PTK2: variants seen among roughly 807,000 people sequenced by gnomAD.
The protein encoded by PTK2 is focal adhesion kinase 1.
Under a neutral mutation model 150.1 loss-of-function variants are expected in PTK2, and 45 were observed. The ratio of observed to expected loss-of-function variants is 0.30; its 90% CI spans 0.24 to 0.38. The LOEUF (loss-of-function observed/expected upper bound fraction) is 0.38, where lower values mean the gene tolerates loss of function less well. Among genes scored for constraint, PTK2 ranks in the 10% least tolerant of loss-of-function variants. PTK2 has a pLI of 1.00. For synonymous variants in PTK2, 432 were observed against 449.2 expected, an observed-to-expected ratio of 0.96 and a Z score of 0.48; for missense variants, 919 against 1,307.3, an observed-to-expected ratio of 0.70 and a Z score of 4.58.
intron 12 of PTK2, among the ~76,000 whole-genome samples, chr8:140,797,372 T>C (rs907543337): frequency 3.3e-5 from 5 of 152,214 alleles, no homozygotes; most frequent in African/African-American, 7.2e-5. Context: ...CCTGTCATCA[T>C]AGCTTTAAAA....
At chr8:140,934,316 G>A (rs2100172893) in intron 1 of PTK2, among the ~76,000 whole-genome samples, 1 of 152,168 alleles carries the variant, frequency 6.6e-6, no homozygotes, top group Non-Finnish European at 1.5e-5. Flanking sequence ...GCTGAGGCAG[G>A]AGGACAGCTT....
Position 140,675,505 on chromosome 8 carries a change from GGAAAA to G in PTK2, c.2563-11_2563-7del. 1.2e-6 allele frequency: 2 copies of G among 1,607,346 alleles called. No individual in the cohort carries two copies. The highest frequency in any genetic ancestry group is 1.7e-6 in the Non-Finnish European group (2 of 1,174,076). ...TATATATGTTGGTTTCCAATCTGTGGGAAAAGAAAAGTTCAGTCAATGCACTGGTA... is the reference window on the plus strand; with the variant it reads ...TATATATGTTGGTTTCCAATCTGTGGGAAAAGTTCAGTCAATGCACTGGTA... On this transcript the variant is annotated splice_polypyrimidine_tract_variant and splice_region_variant and intron_variant, in intron 27 of 31. Transcript: ENST00000522684.
intron 1 of PTK2, among the ~76,000 whole-genome samples, chr8:140,978,703 T>G (rs1381221615): frequency 1.3e-5 from 2 of 151,668 alleles, no homozygotes; most frequent in African/African-American, 4.9e-5. Context: ...GTCAGTGTGG[T>G]GATTCCTCAG....
At chr8:140,867,068 G>A (rs2154606179) in intron 4 of PTK2, among the ~76,000 whole-genome samples, 1 of 152,290 alleles carries the variant, frequency 6.6e-6, no homozygotes, top group South Asian at 2.1e-4. Flanking sequence ...GCTGGGGCAG[G>A]CTGCATGAGG....
chr8:140,802,292 T>C (rs1266067739), intron 11 of PTK2, among the ~76,000 whole-genome samples: 5 of 152,112 alleles, frequency 3.3e-5, no homozygotes. Context: ...GTTTGTGTCT[T>C]ACTTTTTAAC....
intron 10 of PTK2, among the ~76,000 whole-genome samples, chr8:140,816,330 C>T (rs960707439): frequency 6.6e-6 from 1 of 152,078 alleles, no homozygotes; most frequent in African/African-American, 2.4e-5. Context: ...TAAAAGAAGT[C>T]CTGAAACACA....
intron 1 of PTK2, among the ~76,000 whole-genome samples, chr8:140,929,856 A>C (rs1411271658): frequency 1.3e-5 from 2 of 152,166 alleles, no homozygotes; most frequent in Non-Finnish European, 2.9e-5. Flanking sequence ...AAACATTACA[A>C]GCATAAAGGG....
At chr8:140,956,980 G>T (rs774370380) in intron 1 of PTK2, among the ~76,000 whole-genome samples, 1 of 152,060 alleles carries the variant, frequency 6.6e-6, no homozygotes, top group Non-Finnish European at 1.5e-5. Flanking sequence ...AGAATCACTT[G>T]AACCCAGGAG....
intron 14 of PTK2, among the ~76,000 whole-genome samples, chr8:140,767,587 G>C (rs190384798): frequency 6.6e-6 from 1 of 152,212 alleles, no homozygotes; most frequent in Non-Finnish European, 1.5e-5. Flanking sequence ...CTGGGCTCAA[G>C]TGATCCTCCC....
intron 30 of PTK2, among the ~76,000 whole-genome samples, 184 bp downstream of exon 34, chr8:140,668,085 G>A (rs1324355875): frequency 1.3e-5 from 2 of 152,176 alleles, no homozygotes; most frequent in Non-Finnish European, 2.9e-5. Flanking sequence ...AGATAGGAAC[G>A]GCAATTCAGA....
At chr8:140,877,045 T>G (rs1254820312) in intron 4 of PTK2, among the ~76,000 whole-genome samples, 6 of 143,980 alleles carry the variant, frequency 4.2e-5, no homozygotes, top group Non-Finnish European at 9.1e-5. Flanking sequence ...TTTTTTTTTT[T>G]TTTTTGAGAC....
At chr8:140,795,875 C>T (rs1170632489) in intron 12 of PTK2, among the ~76,000 whole-genome samples, 1 of 152,176 alleles carries the variant, frequency 6.6e-6, no homozygotes, top group African/African-American at 2.4e-5. Flanking sequence ...ATGTGCTCTT[C>T]CTTCATTCAG....
intron 2 of PTK2, among the ~76,000 whole-genome samples, chr8:140,916,778 A>AT (rs1307658635): frequency 6.6e-6 from 1 of 152,214 alleles, no homozygotes; most frequent in Non-Finnish European, 1.5e-5. Flanking sequence ...CGGCATATTG[A>AT]TTAAGAATAC....
chr8:140,960,885 C>T (rs1357202584), intron 1 of PTK2, among the ~76,000 whole-genome samples: 1 of 152,092 alleles, frequency 6.6e-6, no homozygotes, highest in African/African-American at 2.4e-5. Context: ...GAGGCTGAGG[C>T]AGGAGAATCA....
intron 1 of PTK2, among the ~76,000 whole-genome samples, chr8:140,927,971 AAAAAAT>A (rs1371064948): frequency 5.5e-4 from 37 of 66,924 alleles, no homozygotes; most frequent in East Asian, 1.9e-3. Flanking sequence ...AAAAAAAAAA[AAAAAAT>A]ATATATATAT....
At chr8:140,811,970 T>C (rs993131495) in intron 10 of PTK2, among the ~76,000 whole-genome samples, 1 of 152,106 alleles carries the variant, frequency 6.6e-6, no homozygotes, top group African/African-American at 2.4e-5. Context: ...GGGGAGAGTG[T>C]AAGCAACTTG....
chr8:140,735,577 T>G (rs1007335160), intron 21 of PTK2, 122 bp from the exon 25 acceptor site: 2 of 803,532 alleles, frequency 2.5e-6, no homozygotes, highest in Non-Finnish European at 4.2e-6. Flanking sequence ...GCAAATTATC[T>G]ACCAAAGCAG....
At position 140,681,499 on chromosome 8, in the gene PTK2, C is replaced by T. The variant is rs574417654; in HGVS notation, c.2562+5133G>A. Among the ~76,000 whole-genome samples the T allele has an allele frequency of 4.7e-4, 71 of 152,026 alleles. 1 individual carries two copies. The Middle Eastern group carries it at 0.014, about 29-fold the overall frequency. On this transcript the variant is annotated intron_variant, in intron 27 of 31. Coordinates refer to ENST00000522684, the Ensembl canonical transcript of PTK2. Reference sequence around the variant, plus strand: ...TGTGTAACAAGCAGTTGGCCGGGCGCGGTGGCTCACGCCTGGAATCCCAGC... The same window carrying T: ...TGTGTAACAAGCAGTTGGCCGGGCGTGGTGGCTCACGCCTGGAATCCCAGC...
At chr8:140,969,190 G>T (rs2100186354) in intron 1 of PTK2, among the ~76,000 whole-genome samples, 1 of 152,030 alleles carries the variant, frequency 6.6e-6, no homozygotes, top group Non-Finnish European at 1.5e-5. Flanking sequence ...AAGACCCAGA[G>T]TCTCCTCCTA....
Sources: allele counts gnomAD v4.1 joint callset (sites outside exome capture counted in the v4.1 genomes callset), GRCh38; gene constraint gnomAD v4.1.1; transcripts MANE v1.5; gene names NCBI Gene and HGNC (gene_info 2026-07-23, HGNC 2026-07-21).